The following CLN6 variants were observed in gnomAD, a reference collection of about 807,000 sequenced individuals.
CLN6 encodes the protein ceroid-lipofuscinosis neuronal protein 6.
In CLN6, 22 loss-of-function variants were observed where a neutral mutation model predicts 33.3. The observed-to-expected ratio is 0.66, with a 90% CI of 0.47 to 0.94. The LOEUF (loss-of-function observed/expected upper bound fraction) is 0.94, where lower values mean the gene tolerates loss of function less well. Among genes scored for constraint, CLN6 ranks in the 40% least tolerant of loss-of-function variants. The pLI is 0.00. For synonymous variants in CLN6, 201 were observed against 174.6 expected, an observed-to-expected ratio of 1.15 and a Z score of -1.19; for missense variants, 387 against 417.1, an observed-to-expected ratio of 0.93 and a Z score of 0.63.
At chr15:68,225,661 A>C (rs921099897) in intron 1 of CLN6, among the ~76,000 whole-genome samples, 6 of 152,218 alleles carry the variant, frequency 3.9e-5, no homozygotes, top group African/African-American at 1.4e-4. Context: ...TAATTTTTAA[A>C]ATTTTTCCTT....
rs540227628 is a variant in CLN6, at chr15:68,208,344, G to A, written c.732C>T (p.Leu244=). 15 of 1,614,020 alleles carry A rather than the reference G, an allele frequency of 9.3e-6. No individual in the cohort carries two copies. The highest frequency in any genetic ancestry group is 1.7e-5 in the Admixed American group (1 of 60,028). Residue 244 remains leucine (L), a synonymous_variant, in exon 7 of 7, where the codon CTC becomes CTT. Coordinates refer to ENST00000249806, the MANE Select transcript of CLN6 (RefSeq NM_017882.3). This position sits in a 1 kb window ranked among gnomAD's most constrained non-coding sequence, Gnocchi z 5.8. ...FIFTFFAMLA[L]VLHQKRKRLF... ...GGCGCTTGCGCTTCTGGTGCAGGACGAGGGCCAGCATGGCGAAGAAGGTGA... is the reference window on the plus strand; with the variant it reads ...GGCGCTTGCGCTTCTGGTGCAGGACAAGGGCCAGCATGGCGAAGAAGGTGA...
rs1892286810 is a variant in CLN6, at chr15:68,242,322, C to A, written c.179+14368G>T. Among the ~76,000 whole-genome samples the A allele has an allele frequency of 6.6e-6, 1 of 151,762 alleles. No homozygotes were observed. Among genetic ancestry groups the A allele is most frequent in the Non-Finnish European group, 1.5e-5 (1 of 67,962 alleles). On this transcript the variant is annotated intron_variant, in intron 1 of 6. Transcript: ENST00000538696. The surrounding 1 kb of genome is among the most constrained non-coding windows in gnomAD (Gnocchi z 5.0). Reference sequence around the variant, plus strand: ...AGAGACTCTCAACAGCAGAATGGATCAAGCAGAGGAAAGAATCCATAATCT... The same window carrying A: ...AGAGACTCTCAACAGCAGAATGGATAAAGCAGAGGAAAGAATCCATAATCT...
At position 68,209,378 on chromosome 15, in the gene CLN6, G is replaced by C. The variant is rs1439483365; in HGVS notation, c.665+259C>G. On this transcript the variant is annotated intron_variant, in intron 6 of 6. Coordinates refer to ENST00000249806, the MANE Select transcript of CLN6 (RefSeq NM_017882.3). This position sits in a 1 kb window ranked among gnomAD's most constrained non-coding sequence, Gnocchi z 4.9. Reference sequence around the variant, plus strand: ...CTTGAGATGGGGCACAGAGCGAGAGGGGCTTGAGGATGGAGACAGACTGTG... The same window carrying C: ...CTTGAGATGGGGCACAGAGCGAGAGCGGCTTGAGGATGGAGACAGACTGTG... 2.0e-5 allele frequency among the ~76,000 whole-genome samples: 3 copies of C among 152,128 alleles called. No individual in the cohort carries two copies. Among genetic ancestry groups the C allele is most frequent in the African/African-American group, 7.2e-5 (3 of 41,428 alleles).
upstream of CLN6, chr15:68,229,799 C>T (rs1453600782): frequency 2.0e-5 from 3 of 151,430 alleles, no homozygotes; most frequent in East Asian, 3.5e-4. Context: ...CGGAGGGAGA[C>T]GGGGCGGGCT....
intron 1 of CLN6, among the ~76,000 whole-genome samples, chr15:68,244,093 A>C (rs1159851231): frequency 6.8e-6 from 1 of 147,340 alleles, no homozygotes; most frequent in Non-Finnish European, 1.5e-5. Context: ...AAAAACAAAC[A>C]AAAAAAAAAC....
intron 1 of CLN6, among the ~76,000 whole-genome samples, chr15:68,243,595 A>T (rs1192092118): frequency 6.6e-6 from 1 of 152,018 alleles, no homozygotes; most frequent in Non-Finnish European, 1.5e-5. Flanking sequence ...TCTCTACTAA[A>T]AGTACAAAAA....
chr15:68,251,657 A>T (rs1892379953), intron 1 of CLN6, among the ~76,000 whole-genome samples: 1 of 145,878 alleles, frequency 6.9e-6, no homozygotes, highest in Non-Finnish European at 1.5e-5. Flanking sequence ...CCTGGGTGAC[A>T]CAGTGAGACA....
chr15:68,233,418 G>A (rs1892186161), upstream of CLN6, among the ~76,000 whole-genome samples: 1 of 152,136 alleles, frequency 6.6e-6, no homozygotes, highest in South Asian at 2.1e-4. The surrounding 1 kb of genome is among the most constrained non-coding windows in gnomAD (Gnocchi z 4.3). Flanking sequence ...TCCCTGGAAA[G>A]CCTTTGATCT....
At chr15:68,229,128 C>G (rs1167272737) in intron 1 of CLN6, among the ~76,000 whole-genome samples, 1 of 152,060 alleles carries the variant, frequency 6.6e-6, no homozygotes, top group Non-Finnish European at 1.5e-5. Context: ...GTTGGGGGTC[C>G]GAGTGACGAG....
chr15:68,244,938 C>T (rs1892315098), intron 1 of CLN6, among the ~76,000 whole-genome samples: 1 of 150,564 alleles, frequency 6.6e-6, no homozygotes, highest in Admixed American at 6.6e-5. Context: ...CCTATAATCC[C>T]ACCTACTTGG....
chr15:68,254,703 G>C (rs367951463), intron 1 of CLN6: 42 of 745,934 alleles, frequency 5.6e-5, no homozygotes, highest in East Asian at 5.2e-4. Flanking sequence ...CCACAGAGAA[G>C]ATCCACGAGG....
chr15:68,253,902 C>T (rs1892406144), intron 1 of CLN6, among the ~76,000 whole-genome samples: 1 of 146,428 alleles, frequency 6.8e-6, no homozygotes, highest in Non-Finnish European at 1.5e-5. Flanking sequence ...GAGTCTCGCT[C>T]TGTCGCCCAG....
chr15:68,248,038 A>G (rs980922493), intron 1 of CLN6, among the ~76,000 whole-genome samples: 4 of 151,842 alleles, frequency 2.6e-5, no homozygotes, highest in Non-Finnish European at 5.9e-5. Flanking sequence ...CAAAAAAAAA[A>G]AAAAAAGAAC....
upstream of CLN6, chr15:68,257,203 C>T (rs1290737941): frequency 2.7e-5 from 6 of 222,390 alleles, no homozygotes; most frequent in Non-Finnish European, 5.2e-5. Flanking sequence ...CTTGCGCCAG[C>T]CCCAGAGTAC....
chr15:68,233,454 G>A (rs1025295158), upstream of CLN6, among the ~76,000 whole-genome samples: 12 of 152,186 alleles, frequency 7.9e-5, no homozygotes, highest in African/African-American at 2.7e-4. The surrounding 1 kb of genome is among the most constrained non-coding windows in gnomAD (Gnocchi z 4.3). Flanking sequence ...TTCTGCAGCT[G>A]CGGAAAATGA....
rs2141137365 is a variant in CLN6, at chr15:68,209,783, T to C, written c.543-24A>G. The C allele has an allele frequency of 2.5e-6, 4 of 1,611,802 alleles. No homozygotes were observed. Among genetic ancestry groups the C allele is most frequent in the South Asian group, 1.1e-5 (1 of 90,880 alleles). On this transcript the variant is annotated intron_variant, in intron 5 of 6. Transcript: ENST00000249806. The surrounding 1 kb of genome is among the most constrained non-coding windows in gnomAD (Gnocchi z 4.9). ...ACCTGTGACAGGAAGGCCAGTGTCT[T>C]AGAGGCCTGCTCAGCGGCCCTCTTC...
At position 68,241,569 on chromosome 15, in the gene CLN6, T is replaced by C. The variant is rs1224499897; in HGVS notation, c.179+15121A>G. On this transcript the variant is annotated intron_variant, in intron 1 of 6. Transcript: ENST00000538696. The surrounding 1 kb of genome is among the most constrained non-coding windows in gnomAD (Gnocchi z 4.2). ...CTGCCTCAACCCATGGGAAGCATCA[T>C]GATTGCCTGAAGGAAGAAATATCTC... Among the ~76,000 whole-genome samples the C allele has an allele frequency of 1.3e-5, 2 of 151,830 alleles. No homozygotes were observed. Among genetic ancestry groups the C allele is most frequent in the Non-Finnish European group, 2.9e-5 (2 of 67,906 alleles).
At position 68,247,659 on chromosome 15, in the gene CLN6, G is replaced by A. The variant is rs1238211031; in HGVS notation, c.179+9031C>T. Among the ~76,000 whole-genome samples the A allele has an allele frequency of 2.0e-5, 3 of 152,082 alleles. No individual in the cohort carries two copies. In the East Asian group the frequency reaches 5.8e-4, roughly 29 times the overall value. ...CAAAATACCAATGATGTTCTCAACAGAAATAGAAAAAACAATCCTAAAATT... is the reference window on the plus strand; with the variant it reads ...CAAAATACCAATGATGTTCTCAACAAAAATAGAAAAAACAATCCTAAAATT... On this transcript the variant is annotated intron_variant, in intron 1 of 6. Transcript: ENST00000538696. The surrounding 1 kb of genome is among the most constrained non-coding windows in gnomAD (Gnocchi z 4.2).
upstream of CLN6, among the ~76,000 whole-genome samples, chr15:68,233,300 C>CGGGGGGGTG (rs1358303952): frequency 4.4e-4 from 6 of 13,658 alleles, no homozygotes; most frequent in East Asian, 0.014. This position sits in a 1 kb window ranked among gnomAD's most constrained non-coding sequence, Gnocchi z 4.3. Flanking sequence ...GAAACACCTA[C>CGGGGGGGTG]GGGGGGGTGG....
Sources: allele counts gnomAD v4.1 joint callset (sites outside exome capture counted in the v4.1 genomes callset), GRCh38; gene constraint gnomAD v4.1.1; non-coding constraint Gnocchi (gnomAD v3.1); transcripts MANE v1.5; gene names NCBI Gene and HGNC (gene_info 2026-07-23, HGNC 2026-07-21).